Variants in TMIGD2 observed in about 807,000 individuals in gnomAD.
TMIGD2 encodes the protein transmembrane and immunoglobulin domain containing 2, also known as transmembrane and immunoglobulin domain-containing protein 2.
In TMIGD2, 18 loss-of-function variants were observed where a neutral mutation model predicts 22.6. The ratio of observed to expected loss-of-function variants is 0.80; its 90% CI spans 0.55 to 1.18. The LOEUF (loss-of-function observed/expected upper bound fraction) is 1.18, where lower values mean the gene tolerates loss of function less well. Among genes scored for constraint, TMIGD2 ranks in the 50% most tolerant of loss-of-function variants. The pLI is 0.00. For missense variants in TMIGD2, 361 were observed against 378.2 expected (o/e 0.95, Z 0.38); for synonymous variants, 184 against 154.1 (o/e 1.19, Z -1.44).
chr19:4,295,955 G>A (rs893948419), intron 2 of TMIGD2, among the ~76,000 whole-genome samples: 6 of 152,158 alleles, frequency 3.9e-5, no homozygotes, highest in Non-Finnish European at 8.8e-5. Flanking sequence ...GTCGCTCTGT[G>A]TCACCCAGGC....
chr19:4,293,576 TA>T (rs57628784), intron 4 of TMIGD2, among the ~76,000 whole-genome samples: 261 of 150,244 alleles, frequency 1.7e-3, no homozygotes, highest in African/African-American at 5.1e-3. Context: ...TTTTTTTTTT[TA>T]ATTTCAAACT....
intron 1 of TMIGD2, among the ~76,000 whole-genome samples, chr19:4,300,278 G>T (rs1013142455): frequency 7.0e-6 from 1 of 142,710 alleles, no homozygotes; most frequent in South Asian, 2.2e-4. Flanking sequence ...ACAAAACAAG[G>T]CCGGGTGCAG....
intron 3 of TMIGD2, 41 bp downstream of exon 3, chr19:4,294,734 G>A (rs8100331): frequency 3.5e-5 from 55 of 1,572,756 alleles, no homozygotes; most frequent in Non-Finnish European, 4.3e-5. Context: ...GTGGTGATGC[G>A]GGTGGAAGAC....
rs191804852 is a variant in TMIGD2, at chr19:4,298,584, A to T, written c.47-239T>A. ...GACCTCATCTCTACAATAAATATTT[A>T]AAAAGTAGCTGGGTATGGTGGCGTG... On this transcript the variant is annotated intron_variant, in intron 1 of 4. Coordinates refer to ENST00000301272, the Ensembl canonical transcript of TMIGD2. Among the ~76,000 whole-genome samples, 47 of 152,224 alleles carry T rather than the reference A, an allele frequency of 3.1e-4. No homozygotes were observed. In the East Asian group the frequency reaches 8.7e-3, roughly 28 times the overall value.
At chr19:4,301,428 G>A (rs755801868) in intron 1 of TMIGD2, among the ~76,000 whole-genome samples, 29 of 152,176 alleles carry the variant, frequency 1.9e-4, no homozygotes, top group Non-Finnish European at 1.0e-4. Context: ...CAGCACTTTG[G>A]GAGGCCAAGG....
chr19:4,294,892 C>A, intron 2 of TMIGD2, 76 bp from the exon 3 acceptor site: 1 of 1,368,696 alleles, frequency 7.3e-7, no homozygotes, highest in South Asian at 1.6e-5. Context: ...TTGGGGGGAC[C>A]TAAGTGTTCC....
chr19:4,302,240 T>G, intron 1 of TMIGD2, 100 bp downstream of exon 1: 1 of 1,292,826 alleles, frequency 7.7e-7, no homozygotes, highest in Non-Finnish European at 1.1e-6. Flanking sequence ...TATCTGACAG[T>G]AGAGAGACTG....
At position 4,295,067 on chromosome 19, in the gene TMIGD2, C is replaced by T. The variant is rs537127213; in HGVS notation, c.407-251G>A. Among the ~76,000 whole-genome samples, 552 of 151,250 alleles carry T rather than the reference C, an allele frequency of 3.6e-3. 4 individuals are homozygous for T. The highest frequency in any genetic ancestry group is 0.013 in the African/African-American group (525 of 41,064). On this transcript the variant is annotated intron_variant, in intron 2 of 4. Coordinates refer to ENST00000301272, the Ensembl canonical transcript of TMIGD2. ...CTCGAGGTCAGGAGTTCGAGACCAGCCTGGCCAACATGGTGAAACCCCATC... is the reference window on the plus strand; with the variant it reads ...CTCGAGGTCAGGAGTTCGAGACCAGTCTGGCCAACATGGTGAAACCCCATC...
chr19:4,293,909 A>G (rs1172355659), intron 4 of TMIGD2, among the ~76,000 whole-genome samples: 1 of 149,358 alleles, frequency 6.7e-6, no homozygotes, highest in Non-Finnish European at 1.5e-5. Context: ...CTACAGGCAC[A>G]GGCCACCACG....
intron 1 of TMIGD2, among the ~76,000 whole-genome samples, chr19:4,300,032 G>T (rs187871460): frequency 6.6e-6 from 1 of 150,578 alleles, no homozygotes; most frequent in African/African-American, 2.4e-5. Flanking sequence ...AGGCCGAGGC[G>T]GGTGGATCAC....
intron 2 of TMIGD2, among the ~76,000 whole-genome samples, 160 bp from the exon 3 acceptor site, chr19:4,294,976 C>A (rs1468398126): frequency 6.6e-6 from 1 of 151,898 alleles, no homozygotes. Context: ...AAAAATGAGG[C>A]TCAGCAGGAC....
chr19:4,301,520 A>G lies in TMIGD2; in HGVS notation c.46+820T>C, dbSNP rs189624082. 2.6e-3 allele frequency among the ~76,000 whole-genome samples: 393 copies of G among 152,312 alleles called. 4 individuals carry two copies. Among genetic ancestry groups the G allele is most frequent in the African/African-American group, 8.8e-3 (366 of 41,584 alleles). ...CGTCTCTACTAAAAATACAAAAAAA[A>G]TTAGCCAGGCGCAGTGGCGCGCGCC... On this transcript the variant is annotated intron_variant, in intron 1 of 4. Transcript: ENST00000301272.
intron 1 of TMIGD2, 42 bp from the exon 2 acceptor site, chr19:4,298,387 G>A (rs774370102): frequency 7.9e-6 from 12 of 1,510,546 alleles, no homozygotes; most frequent in Admixed American, 4.2e-5. Flanking sequence ...CTGACTGTGC[G>A]CATGTGAGGC....
chr19:4,296,182 G>A (rs1205397910), intron 2 of TMIGD2, among the ~76,000 whole-genome samples: 3 of 152,194 alleles, frequency 2.0e-5, no homozygotes, highest in Non-Finnish European at 4.4e-5. Flanking sequence ...GCCTCCCAAA[G>A]TGCTGGGATA....
At chr19:4,292,305 G>A (rs754923565) in exon 5 of TMIGD2, 15 of 383,184 alleles carry the variant, frequency 3.9e-5, no homozygotes, top group East Asian at 6.9e-5. Flanking sequence ...AAATGAGGAC[G>A]GGGTCTCAGG....
At chr19:4,296,677 A>C (rs990255603) in intron 2 of TMIGD2, among the ~76,000 whole-genome samples, 14 of 151,174 alleles carry the variant, frequency 9.3e-5, no homozygotes, top group Admixed American at 2.7e-4. Flanking sequence ...TGGGTAACAC[A>C]GCCATAACAC....
chr19:4,293,468 G>A (rs367853645), intron 4 of TMIGD2, among the ~76,000 whole-genome samples: 16 of 150,384 alleles, frequency 1.1e-4, no homozygotes, highest in East Asian at 2.0e-4. Context: ...CACCACGTTG[G>A]CCAGGCTGGT....
exon 5 of TMIGD2, chr19:4,292,484 G>A (rs1313708260): frequency 1.8e-5 from 20 of 1,089,890 alleles, no homozygotes; most frequent in Admixed American, 5.3e-5. Flanking sequence ...TGTTCCACCC[G>A]CCTCGGCTTC....
chr19:4,294,594 G>C (rs1429369075), exon 4 of TMIGD2: 1 of 1,611,300 alleles, frequency 6.2e-7, no homozygotes, highest in Admixed American at 1.7e-5. Context: ...TCCCTTTGCT[G>C]GCAGCTGCGG....
Sources: allele counts gnomAD v4.1 joint callset (sites outside exome capture counted in the v4.1 genomes callset), GRCh38; gene constraint gnomAD v4.1.1; transcripts MANE v1.5; gene names NCBI Gene and HGNC (gene_info 2026-07-23, HGNC 2026-07-21).